HECW2: variants seen among roughly 807,000 people sequenced by gnomAD.
HECW2 encodes the protein HECT, C2 and WW domain containing E3 ubiquitin protein ligase 2, also known as E3 ubiquitin-protein ligase HECW2.
A neutral mutation model predicts 175.2 loss-of-function variants in HECW2; 61 were observed. The observed-to-expected ratio is 0.35, with a 90% CI of 0.28 to 0.43. The LOEUF (loss-of-function observed/expected upper bound fraction) is 0.43, where lower values mean the gene tolerates loss of function less well. HECW2 is among the 20% of genes least tolerant of loss of function. HECW2 has a pLI of 1.00. For synonymous variants in HECW2, 671 were observed against 731.0 expected, an observed-to-expected ratio of 0.92 and a Z score of 1.32; for missense variants, 1,524 against 2,000.5, an observed-to-expected ratio of 0.76 and a Z score of 4.54.
At chr2:196,203,915 T>G (rs1173314575) in intron 28 of HECW2, among the ~76,000 whole-genome samples, 1 of 152,188 alleles carries the variant, frequency 6.6e-6, no homozygotes, top group Non-Finnish European at 1.5e-5. Flanking sequence ...ACTTTGTGTC[T>G]CTATGAATTT....
intron 17 of HECW2, among the ~76,000 whole-genome samples, chr2:196,259,134 C>T (rs1414712961): frequency 1.3e-5 from 2 of 152,104 alleles, no homozygotes; most frequent in African/African-American, 4.8e-5. Context: ...TCACCACGCC[C>T]AGCTAATTTT....
intron 2 of HECW2, among the ~76,000 whole-genome samples, chr2:196,395,427 T>C (rs1019377886): frequency 1.3e-4 from 20 of 152,048 alleles, no homozygotes; most frequent in Admixed American, 1.1e-3. Context: ...AAAAGCAATA[T>C]ACAGAATAGG....
intron 4 of HECW2, among the ~76,000 whole-genome samples, chr2:196,334,001 G>A (rs895973528): frequency 2.0e-5 from 3 of 152,182 alleles, no homozygotes; most frequent in Admixed American, 6.5e-5. Flanking sequence ...ATTTGTGACT[G>A]CCAACTTAGA....
intron 2 of HECW2, among the ~76,000 whole-genome samples, chr2:196,424,106 T>C (rs1395883051): frequency 6.6e-6 from 1 of 152,110 alleles, no homozygotes; most frequent in African/African-American, 2.4e-5. Flanking sequence ...TATTTCAAGC[T>C]TTTTCATTAT....
intron 13 of HECW2, among the ~76,000 whole-genome samples, chr2:196,295,552 T>C (rs1690778237): frequency 6.6e-6 from 1 of 152,218 alleles, no homozygotes; most frequent in South Asian, 2.1e-4. Flanking sequence ...GGGGGATAAT[T>C]CTGTCGGATA....
At chr2:196,444,642 A>C (rs1433243744) in intron 1 of HECW2, among the ~76,000 whole-genome samples, 1 of 152,150 alleles carries the variant, frequency 6.6e-6, no homozygotes, top group Non-Finnish European at 1.5e-5. Context: ...CCTTCCAATC[A>C]AGTAAATGAC....
chr2:196,219,648 G>A (rs1021194699), intron 26 of HECW2, among the ~76,000 whole-genome samples: 2 of 152,186 alleles, frequency 1.3e-5, no homozygotes, highest in Admixed American at 6.5e-5. Flanking sequence ...GAAAAACTGT[G>A]CTGATTGGGA....
rs1177576792 is a variant in HECW2, at chr2:196,320,390, C to T, written c.934G>A (p.Val312Met). 6 of 1,613,210 alleles carry T rather than the reference C, an allele frequency of 3.7e-6. No homozygotes were observed. Among genetic ancestry groups the T allele is most frequent in the African/African-American group, 1.3e-5 (1 of 75,060 alleles). The change falls in exon 8 of 29, where the codon GTG (valine) becomes ATG (methionine). Residue 312 changes from valine (V) to methionine (M), a missense_variant. Coordinates refer to ENST00000644978, the MANE Select transcript of HECW2 (RefSeq NM_001348768.2). ...NLGRRLPADH[V>M]SGYLQFKVEV... ...ACTTTAAACTGGAGGTACCCACTCA[C>T]GTGGTCAGCTGGGAGCCTTCTGCCA...
At chr2:196,261,490 A>G (rs555106277) in intron 17 of HECW2, among the ~76,000 whole-genome samples, 35 of 152,342 alleles carry the variant, frequency 2.3e-4, no homozygotes, top group African/African-American at 7.0e-4. Flanking sequence ...GTAGATAAAA[A>G]TAAGCTTTTT....
At chr2:196,398,730 A>G (rs2125199535) in intron 2 of HECW2, among the ~76,000 whole-genome samples, 1 of 152,338 alleles carries the variant, frequency 6.6e-6, no homozygotes, top group East Asian at 1.9e-4. Flanking sequence ...TTGTATCCCC[A>G]TATCTGGTTT....
At chr2:196,450,241 T>C (rs1696305347) in intron 1 of HECW2, among the ~76,000 whole-genome samples, 2 of 152,102 alleles carry the variant, frequency 1.3e-5, no homozygotes, top group African/African-American at 4.8e-5. Context: ...AAAACCTAGA[T>C]AATAGGTGAA....
At chr2:196,259,890 G>C (rs192881741) in intron 17 of HECW2, 1 of 152,284 alleles carries the variant, frequency 6.6e-6, no homozygotes, top group East Asian at 1.9e-4. Context: ...TGATCTTGAA[G>C]AATCAAAAGC....
intron 1 of HECW2, among the ~76,000 whole-genome samples, chr2:196,439,665 G>C (rs1164191070): frequency 6.6e-6 from 1 of 152,188 alleles, no homozygotes; most frequent in Non-Finnish European, 1.5e-5. Context: ...AAGAATTTAA[G>C]AAACTTGGCC....
At chr2:196,267,628 T>C (rs1689565650) in intron 17 of HECW2, among the ~76,000 whole-genome samples, 1 of 151,816 alleles carries the variant, frequency 6.6e-6, no homozygotes, top group Non-Finnish European at 1.5e-5. Context: ...CAGTTGAAAG[T>C]AAAAGCCATA....
chr2:196,494,625 T>C (rs1295070594), intron 1 of HECW2, among the ~76,000 whole-genome samples: 8 of 152,182 alleles, frequency 5.3e-5, no homozygotes, highest in African/African-American at 2.4e-5. Context: ...TGAGGGTGGA[T>C]AGTTGTGTTC....
chr2:196,323,076 C>A (rs772913695), intron 6 of HECW2, among the ~76,000 whole-genome samples: 3 of 152,192 alleles, frequency 2.0e-5, no homozygotes, highest in Non-Finnish European at 2.9e-5. Context: ...GAAAATACTC[C>A]TCCACTTAGT....
chr2:196,291,601 C>T (rs991438875), intron 14 of HECW2: 3 of 152,152 alleles, frequency 2.0e-5, no homozygotes, highest in Non-Finnish European at 4.4e-5. Context: ...TTTTTATAGA[C>T]AGAGAAACTG....
intron 1 of HECW2, among the ~76,000 whole-genome samples, chr2:196,439,523 G>A (rs974483449): frequency 1.3e-5 from 2 of 152,108 alleles, no homozygotes; most frequent in African/African-American, 4.8e-5. Flanking sequence ...AAACTCAACC[G>A]TAGCTTTTAT....
intron 2 of HECW2, among the ~76,000 whole-genome samples, chr2:196,348,405 G>A (rs1045965493): frequency 6.6e-6 from 1 of 152,102 alleles, no homozygotes; most frequent in African/African-American, 2.4e-5. Context: ...CACTTCAGTA[G>A]GACAAGATAG....
Sources: allele counts gnomAD v4.1 joint callset (sites outside exome capture counted in the v4.1 genomes callset), GRCh38; gene constraint gnomAD v4.1.1; transcripts MANE v1.5; gene names NCBI Gene and HGNC (gene_info 2026-07-23, HGNC 2026-07-21).